TM6SF2: variants seen among roughly 807,000 people sequenced by gnomAD.
TM6SF2 encodes the protein transmembrane 6 superfamily member 2.
Under a neutral mutation model 41.0 loss-of-function variants are expected in TM6SF2, and 29 were observed. The ratio of observed to expected loss-of-function variants is 0.71; its 90% CI spans 0.53 to 0.96. TM6SF2 has a LOEUF of 0.96. Ranked by LOEUF, TM6SF2 falls within the 50% of genes least tolerant of loss-of-function variation. The pLI is 0.00. For synonymous variants in TM6SF2, 200 were observed against 209.1 expected (o/e 0.96, Z 0.37); for missense variants, 475 against 499.0 (o/e 0.95, Z 0.46).
chr19:19,271,921 G>A (rs2061025578), intron 1 of TM6SF2, among the ~76,000 whole-genome samples: 1 of 152,168 alleles, frequency 6.6e-6, no homozygotes, highest in Admixed American at 6.5e-5. Context: ...CCCCTCTGTG[G>A]CCAGGCCCAG....
Position 19,264,833 on chromosome 19 carries a change from G to A in TM6SF2, c.965C>T (p.Thr322Ile). ...CTCAGGCACACGGTAGGTGAAGGGT[G>A]TGCGCAGGTGCATGGAAGCCCCCAT... ...SHMGASMHLRTPFTYRVPEDT... is the reference protein window; with the variant it reads ...SHMGASMHLRIPFTYRVPEDT... The change falls in exon 10 of 10, where the codon ACA becomes ATA. Residue 322 changes from threonine (T) to isoleucine (I), a missense_variant. Around this residue, in one of 3 missense-constraint regions of TM6SF2, gnomAD observed 190 missense variants for 190.2 expected, o/e 1.00. Coordinates refer to ENST00000389363, the MANE Select transcript of TM6SF2 (RefSeq NM_001001524.3). 6.3e-7 allele frequency: 1 copy of A among 1,595,450 alleles called. No individual in the cohort carries two copies. Among genetic ancestry groups the A allele is most frequent in the Non-Finnish European group, 8.5e-7 (1 of 1,171,728 alleles).
chr19:19,271,101 G>A lies in TM6SF2; in HGVS notation c.120C>T (p.Ser40=), dbSNP rs772854285. ...LSHPLWVALM[S]ALILGLLFVA... ...CGAAAAGCAGACCCAGGATTAGGGCGCTCATCAATGCCACCCACAGGGGGC... is the reference window on the plus strand; with the variant it reads ...CGAAAAGCAGACCCAGGATTAGGGCACTCATCAATGCCACCCACAGGGGGC... Residue 40 remains serine, a synonymous_variant, in exon 2 of 10, where the codon AGC becomes AGT. Transcript: ENST00000389363. 29 of 1,614,042 alleles carry A rather than the reference G, an allele frequency of 1.8e-5. No individual in the cohort carries two copies. The East Asian group carries it at 3.8e-4, about 21-fold the overall frequency.
chr19:19,272,187 C>T (rs1437485597), intron 1 of TM6SF2, among the ~76,000 whole-genome samples: 2 of 152,176 alleles, frequency 1.3e-5, no homozygotes, highest in African/African-American at 4.8e-5. Context: ...CAGGGTCACA[C>T]TCAAGACTCT....
At chr19:19,268,571 C>A in intron 6 of TM6SF2, 59 bp downstream of exon 6, 1 of 1,509,304 alleles carries the variant, frequency 6.6e-7, no homozygotes, top group Non-Finnish European at 8.8e-7. Context: ...CCAAAAGCAA[C>A]TGACACGGGG....
intron 9 of TM6SF2, 39 bp from the exon 10 acceptor site, chr19:19,264,912 G>A: frequency 2.1e-6 from 3 of 1,441,122 alleles, no homozygotes; most frequent in Non-Finnish European, 2.8e-6. Flanking sequence ...CAGGGGCCAG[G>A]AAGGAACTGA....
intron 5 of TM6SF2, among the ~76,000 whole-genome samples, chr19:19,269,079 T>C (rs1433893463): frequency 2.0e-5 from 3 of 152,012 alleles, no homozygotes; most frequent in African/African-American, 7.2e-5. Flanking sequence ...GAGACCAGCC[T>C]GAGCAACATA....
chr19:19,272,343 T>C (rs1014766875), intron 1 of TM6SF2, among the ~76,000 whole-genome samples: 8 of 152,170 alleles, frequency 5.3e-5, no homozygotes, highest in Non-Finnish European at 1.2e-4. Flanking sequence ...TAACCGTAAC[T>C]ATGAGATGAG....
At chr19:19,270,309 G>A in intron 3 of TM6SF2, 33 bp from the exon 4 acceptor site, 6 of 1,614,200 alleles carry the variant, frequency 3.7e-6, no homozygotes, top group Non-Finnish European at 5.1e-6. Context: ...CAGACGGGCA[G>A]TGCGGTAGGG....
At chr19:19,272,692 GGTGTGTGTGT>G (rs55690765) in intron 1 of TM6SF2, among the ~76,000 whole-genome samples, 28 of 136,780 alleles carry the variant, frequency 2.0e-4, no homozygotes, top group Admixed American at 3.7e-4. Context: ...AATGGAGTAG[GGTGTGTGTGT>G]GTGTGTGTGT....
chr19:19,271,086 A>G lies in TM6SF2; in HGVS notation c.135T>C (p.Gly45=), dbSNP rs1317600548. Reference sequence around the variant, plus strand: ...AGCTGTAGACCGCCACGAAAAGCAGACCCAGGATTAGGGCGCTCATCAATG... The same window carrying G: ...AGCTGTAGACCGCCACGAAAAGCAGGCCCAGGATTAGGGCGCTCATCAATG... ...WVALMSALIL[G]LLFVAVYSLS... The change falls in exon 2 of 10, where the codon GGT becomes GGC. Residue 45 remains glycine (G), a synonymous_variant. Coordinates refer to ENST00000389363, the MANE Select transcript of TM6SF2 (RefSeq NM_001001524.3). The G allele has an allele frequency of 6.2e-7, 1 of 1,614,034 alleles. No homozygotes were observed. Among genetic ancestry groups the G allele is most frequent in the Non-Finnish European group, 8.5e-7 (1 of 1,180,030 alleles).
intron 7 of TM6SF2, 121 bp downstream of exon 7, chr19:19,267,865 C>G: frequency 9.4e-7 from 1 of 1,065,708 alleles, no homozygotes; most frequent in Non-Finnish European, 1.4e-6. Context: ...ATGGAACACT[C>G]AGGTTAGACT....
At position 19,265,407 on chromosome 19, in the gene TM6SF2, C is replaced by CTATCTATCTATCTATTT. The variant is rs1478604397; in HGVS notation, c.925-535_925-534insAAATAGATAGATAGATA. Among the ~76,000 whole-genome samples the CTATCTATCTATCTATTT allele has an allele frequency of 6.8e-3, 595 of 87,710 alleles. 3 individuals carry two copies. The highest frequency in any genetic ancestry group is 0.015 in the Middle Eastern group (3 of 206). 57.5% of individuals were successfully genotyped at this position (87,710 alleles called of 152,430 possible). On this transcript the variant is annotated intron_variant, in intron 9 of 9. Coordinates refer to ENST00000389363, the MANE Select transcript of TM6SF2 (RefSeq NM_001001524.3). Reference sequence around the variant, plus strand: ...CTATCTATCTATCTATCTATCTATCCATCCATCCATCTATCTATCTATCTA... The same window carrying CTATCTATCTATCTATTT: ...CTATCTATCTATCTATCTATCTATCCTATCTATCTATCTATTTATCCATCCATCTATCTATCTATCTA...
At chr19:19,271,146 T>A in intron 1 of TM6SF2, 21 bp from the exon 2 acceptor site, 2 of 1,601,334 alleles carry the variant, frequency 1.2e-6, no homozygotes, top group Non-Finnish European at 1.7e-6. Context: ...GGAAGCCAAG[T>A]CAGGGAGGCC....
chr19:19,266,449 C>G, intron 9 of TM6SF2, 41 bp downstream of exon 9: 1 of 1,609,612 alleles, frequency 6.2e-7, no homozygotes, highest in Non-Finnish European at 8.5e-7. Context: ...GACAGAAATT[C>G]CCTCCCACAT....
At position 19,264,649 on chromosome 19, in the gene TM6SF2, G is replaced by A; in HGVS notation, c.*15C>T. ...GCACGTAAACAGAGTCCTGGGTCCT[G>A]AGTCCACAGCTCTCTCAATGCTGCT... On this transcript the variant is annotated 3_prime_UTR_variant, in exon 10 of 10. Coordinates refer to ENST00000389363, the MANE Select transcript of TM6SF2 (RefSeq NM_001001524.3). 6.9e-7 allele frequency: 1 copy of A among 1,456,362 alleles called. No homozygotes were observed. Among genetic ancestry groups the A allele is most frequent in the Non-Finnish European group, 9.1e-7 (1 of 1,098,906 alleles). The allele number at this position is 1,456,362 out of a possible 1,614,324, so 90.2% of individuals were successfully genotyped here.
intron 8 of TM6SF2, 65 bp from the exon 9 acceptor site, chr19:19,266,674 T>A: frequency 6.5e-7 from 1 of 1,538,286 alleles, no homozygotes; most frequent in African/African-American, 1.4e-5. Context: ...GTGGGTCTCC[T>A]GAGACCCCTG....
intron 1 of TM6SF2, 60 bp downstream of exon 1, chr19:19,273,061 T>TTGCCCCCCCCCCCCCCCCCC: frequency 3.3e-6 from 1 of 305,470 alleles, no homozygotes; most frequent in Admixed American, 5.9e-5. Context: ...CCTCCAGTCC[T>TTGCCCCCCCCCCCCCCCCCC]CCCCGCCCCC....
At chr19:19,268,394 T>TA (rs1377219522) in intron 6 of TM6SF2, among the ~76,000 whole-genome samples, 3 of 151,818 alleles carry the variant, frequency 2.0e-5, no homozygotes, top group African/African-American at 7.3e-5. Context: ...TTTGTAGAGT[T>TA]AAAAAATCTG....
In TM6SF2 at chr19:19,264,732, G is replaced by A; in HGVS notation, c.1066C>T (p.Gln356Ter). ...GPHLLAYRCL[Q>*]WPAFFHQPPP... ...GGCTGGTGGAAGAATGCGGGCCACT[G>A]AAGGCAACGGTAGGCCAGCAGGTGG... is the stretch of plus-strand genomic sequence containing the variant. Residue 356 changes from glutamine (Q) to a stop codon, truncating the protein, a stop_gained, in exon 10 of 10, where the codon CAG becomes TAG. Coordinates refer to ENST00000389363, the MANE Select transcript of TM6SF2 (RefSeq NM_001001524.3). LOFTEE classifies it low-confidence loss of function (END_TRUNC). The A allele has an allele frequency of 6.2e-7, 1 of 1,603,356 alleles. No individual in the cohort carries two copies. Among genetic ancestry groups the A allele is most frequent in the Non-Finnish European group, 8.5e-7 (1 of 1,174,916 alleles).
Sources: gnomAD v4.1 joint callset for allele counts (sites outside exome capture counted in the v4.1 genomes callset) on GRCh38, gnomAD v4.1.1 for gene constraint, gnomAD v4.1.1 regional missense constraint, MANE v1.5 for transcripts, NCBI Gene and HGNC (gene_info 2026-07-23, HGNC 2026-07-21) for gene names.